AFG2A: variants seen among roughly 807,000 people sequenced by gnomAD.
AFG2A encodes ATPase family gene 2 protein homolog A.
At chr4:122,944,340 T>G in the AFG2A span, among the ~76,000 whole-genome samples, 1 of 152,032 alleles carries the variant, frequency 6.6e-6, no homozygotes, top group Admixed American at 6.6e-5. Flanking sequence ...TGTTTCTTTT[T>G]ATTCTTTTTT....
At chr4:123,279,263 A>G in the AFG2A span, among the ~76,000 whole-genome samples, 1 of 152,126 alleles carries the variant, frequency 6.6e-6, no homozygotes, top group Non-Finnish European at 1.5e-5. Flanking sequence ...TAAAAATACA[A>G]AAATGAGCCG....
At chr4:123,192,931 T>A in the AFG2A span, among the ~76,000 whole-genome samples, 3,210 of 152,232 alleles carry the variant, frequency 0.021, 108 homozygotes, top group African/African-American at 0.073. Context: ...AAAGTTTGTT[T>A]TATGTATCTA....
chr4:123,159,927 G>A, the AFG2A span, among the ~76,000 whole-genome samples: 2 of 152,122 alleles, frequency 1.3e-5, no homozygotes, highest in Admixed American at 6.6e-5. Flanking sequence ...AGGCAACAGT[G>A]GGCCTCTGAA....
the AFG2A span, among the ~76,000 whole-genome samples, chr4:123,014,469 C>T: frequency 6.6e-6 from 1 of 151,726 alleles, no homozygotes; most frequent in Admixed American, 6.6e-5. Context: ...AAATGGTTAA[C>T]CATTTTTAAG....
chr4:123,306,060 T>C, the AFG2A span, among the ~76,000 whole-genome samples: 2 of 152,238 alleles, frequency 1.3e-5, no homozygotes, highest in Non-Finnish European at 2.9e-5. Context: ...ATTGCTATAT[T>C]GTTGTTATAA....
chr4:123,136,255 C>T, the AFG2A span, among the ~76,000 whole-genome samples: 3 of 152,112 alleles, frequency 2.0e-5, no homozygotes, highest in East Asian at 1.9e-4. Flanking sequence ...GTCTGTTGGC[C>T]GGGTGCGGTG....
chr4:123,069,263 T>C, the AFG2A span, among the ~76,000 whole-genome samples: 1 of 152,216 alleles, frequency 6.6e-6, no homozygotes, highest in East Asian at 1.9e-4. Context: ...GTCTCCATGT[T>C]ACTCTCTGCA....
the AFG2A span, among the ~76,000 whole-genome samples, chr4:123,004,118 C>T: frequency 2.6e-5 from 4 of 152,310 alleles, no homozygotes; most frequent in South Asian, 4.2e-4. Context: ...GAGCCAGGTG[C>T]AGGATGTAAT....
At chr4:123,114,733 T>C in the AFG2A span, among the ~76,000 whole-genome samples, 5 of 152,154 alleles carry the variant, frequency 3.3e-5, no homozygotes, top group African/African-American at 1.2e-4. Flanking sequence ...GGGGCAGAGC[T>C]CCCGCCAGTC....
At chr4:123,039,528 TTCCTTG>T in the AFG2A span, among the ~76,000 whole-genome samples, 1 of 152,052 alleles carries the variant, frequency 6.6e-6, no homozygotes, top group Non-Finnish European at 1.5e-5. Context: ...ACTTTCTTAA[TTCCTTG>T]TCCACAGTCC....
At chr4:123,303,606 CAT>C in the AFG2A span, among the ~76,000 whole-genome samples, 3 of 151,860 alleles carry the variant, frequency 2.0e-5, no homozygotes, top group African/African-American at 7.3e-5. Flanking sequence ...CTCTATAAAA[CAT>C]AAAAAAGCCA....
the AFG2A span, among the ~76,000 whole-genome samples, chr4:123,193,661 C>T: frequency 2.0e-5 from 3 of 152,146 alleles, no homozygotes; most frequent in South Asian, 2.1e-4. Flanking sequence ...AGAGTAAAAG[C>T]GAAGAAGATG....
At chr4:123,110,399 A>G in the AFG2A span, among the ~76,000 whole-genome samples, 1 of 152,180 alleles carries the variant, frequency 6.6e-6, no homozygotes, top group African/African-American at 2.4e-5. Context: ...GACAGTGAGA[A>G]AAGCCAAATG....
At chr4:123,078,098 G>A in the AFG2A span, among the ~76,000 whole-genome samples, 1 of 152,188 alleles carries the variant, frequency 6.6e-6, no homozygotes, top group Non-Finnish European at 1.5e-5. Flanking sequence ...AAGGCACTTG[G>A]ATAGGCATTG....
chr4:123,249,231 T>C, the AFG2A span, among the ~76,000 whole-genome samples: 1 of 152,226 alleles, frequency 6.6e-6, no homozygotes, highest in Admixed American at 6.5e-5. Flanking sequence ...GACAAAGAGA[T>C]AAAATGTCAT....
chr4:123,210,728 A>G, the AFG2A span, among the ~76,000 whole-genome samples: 56 of 152,214 alleles, frequency 3.7e-4, no homozygotes, highest in South Asian at 7.0e-3. Flanking sequence ...GCTAGACTAC[A>G]TAATAGTTAT....
At chr4:123,162,038 A>G in the AFG2A span, among the ~76,000 whole-genome samples, 1 of 151,924 alleles carries the variant, frequency 6.6e-6, no homozygotes, top group African/African-American at 2.4e-5. Context: ...AAAAAAGACC[A>G]GGAAGGAGGA....
chr4:123,072,050 T>A, the AFG2A span, among the ~76,000 whole-genome samples: 5,078 of 152,296 alleles, frequency 0.033, 276 homozygotes, highest in African/African-American at 0.11. Flanking sequence ...ACAAAATTTT[T>A]AAAAATTATT....
the AFG2A span, among the ~76,000 whole-genome samples, chr4:123,215,159 C>T: frequency 1.3e-5 from 2 of 151,986 alleles, no homozygotes; most frequent in African/African-American, 2.4e-5. Flanking sequence ...TTTAATTCTT[C>T]CATTTACCTT....
Sources: allele counts gnomAD v4.1 joint callset (sites outside exome capture counted in the v4.1 genomes callset), GRCh38; gene constraint gnomAD v4.1.1; transcripts MANE v1.5; gene names NCBI Gene and HGNC (gene_info 2026-07-23, HGNC 2026-07-21).